NCAPD3: variants seen among roughly 807,000 people sequenced by gnomAD.
NCAPD3 encodes condensin-2 complex subunit D3.
In NCAPD3, 105 loss-of-function variants were observed where a neutral mutation model predicts 182.9. The observed-to-expected ratio is 0.57, with a 90% confidence interval of 0.49 to 0.68. The LOEUF is 0.68. NCAPD3 is among the 30% of genes least tolerant of loss of function. The pLI, the probability that NCAPD3 is intolerant of heterozygous loss-of-function variation, is 0.00. For synonymous variants in NCAPD3, 815 were observed against 679.9 expected, an observed-to-expected ratio of 1.20 and a Z score of -3.09; for missense variants, 1,944 against 1,837.0, an observed-to-expected ratio of 1.06 and a Z score of -1.07.
intron 24 of NCAPD3, among the ~76,000 whole-genome samples, chr11:134,170,209 T>G (rs1943974311): frequency 6.6e-6 from 1 of 152,238 alleles, no homozygotes; most frequent in Non-Finnish European, 1.5e-5. Context: ...CGGGAGCAGC[T>G]TGACCTAGAA....
intron 20 of NCAPD3, among the ~76,000 whole-genome samples, chr11:134,179,708 A>G (rs1944252956): frequency 6.6e-6 from 1 of 152,276 alleles, no homozygotes; most frequent in South Asian, 2.1e-4. Context: ...TCAAAAACCT[A>G]CTCACAGCTG....
rs1944190961 is a variant in NCAPD3 at position 134,177,248 on chromosome 11, T to A, written c.2992A>T (p.Thr998Ser). Residue 998 changes from threonine (T) to serine (S), a missense_variant, in exon 23 of 35, where the codon ACA becomes TCA. Coordinates refer to ENST00000534548, the MANE Select transcript of NCAPD3 (RefSeq NM_015261.3). ...AAGAGATTGGTAAGCAAGATGAGTG[T>A]CTGCTTCCGGATGAATGGGTCGGAA... Reference protein sequence around the residue: ...KDSDPFIRKQTLILLTNLLQE... With the variant: ...KDSDPFIRKQSLILLTNLLQE... 2 of 1,614,098 alleles carry A rather than the reference T, an allele frequency of 1.2e-6. No homozygotes were observed. Among genetic ancestry groups the A allele is most frequent in the Admixed American group, 1.7e-5 (1 of 60,012 alleles).
Position 134,185,353 on chromosome 11 carries a change from G to C in NCAPD3, c.2219C>G (p.Ser740Cys), listed in dbSNP as rs1426136820. ...TACAAACCTGCTGATTTTCTCCCAAGATTGTATTATTCTGCTGTAGTCCAG... is the reference window on the plus strand; with the variant it reads ...TACAAACCTGCTGATTTTCTCCCAACATTGTATTATTCTGCTGTAGTCCAG... The part of the protein sequence containing the change: ...PRLDYSRIIQ[S>C]WEKISSQQNP... Residue 740 changes from serine to cysteine, a missense_variant, in exon 17 of 35, where the codon TCT becomes TGT. Ser to Cys is a moderately radical substitution (Grantham distance 112, BLOSUM62 -1). Transcript: ENST00000534548. 1 of 1,606,490 alleles carries C rather than the reference G, an allele frequency of 6.2e-7. No individual in the cohort carries two copies. Among genetic ancestry groups the C allele is most frequent in the South Asian group, 1.1e-5 (1 of 88,996 alleles).
chr11:134,195,499 T>G (rs1000849531), intron 13 of NCAPD3, among the ~76,000 whole-genome samples: 1 of 152,220 alleles, frequency 6.6e-6, no homozygotes, highest in Non-Finnish European at 1.5e-5. Context: ...TGTAAAAATA[T>G]TTATTAATTC....
intron 16 of NCAPD3, among the ~76,000 whole-genome samples, chr11:134,191,727 T>C (rs770096302): frequency 8.5e-5 from 13 of 152,144 alleles, no homozygotes; most frequent in African/African-American, 2.2e-4. Context: ...CAGGAAAGCA[T>C]AGGGTGGGTA....
chr11:134,168,938 T>C lies in NCAPD3; in HGVS notation c.3218A>G (p.Asn1073Ser). 1.2e-6 allele frequency: 2 copies of C among 1,613,854 alleles called. No individual in the cohort carries two copies. Among genetic ancestry groups the C allele is most frequent in the Non-Finnish European group, 1.7e-6 (2 of 1,179,854 alleles). The part of the protein sequence containing the change: ...FNNYEKHEKY[N>S]KFPQSEREKR... ...TGACCTCTCTGACTGGGGGAACTTG[T>C]TGTACTTCTCATGCTTCTCATAGTT... Residue 1073 changes from asparagine to serine, a missense_variant, in exon 25 of 35, where the codon AAC (asparagine) becomes AGC (serine). By Grantham distance (46) the Asn-to-Ser change is conservative (BLOSUM62 1). Transcript: ENST00000534548.
At chr11:134,163,891 A>AAAAC (rs386375333) in intron 27 of NCAPD3, among the ~76,000 whole-genome samples, 2 of 149,466 alleles carry the variant, frequency 1.3e-5, no homozygotes, top group South Asian at 2.1e-4. Context: ...AAAAAAAAAA[A>AAAAC]AGAAAAAGAA....
rs143188183 is a variant in NCAPD3 at position 134,169,012 on chromosome 11, G to T, written c.3144C>A (p.Asn1048Lys). The T allele has an allele frequency of 3.7e-6, 6 of 1,614,036 alleles. No individual in the cohort carries two copies. The highest frequency in any genetic ancestry group is 5.1e-6 in the Non-Finnish European group (6 of 1,179,958). The change falls in exon 25 of 35, where the codon AAC (asparagine) becomes AAA (lysine). Residue 1048 changes from asparagine to lysine, a missense_variant. Physicochemically the swap from Asn to Lys is moderately conservative, Grantham distance 94. This residue lies in a region of NCAPD3 where 1,803 missense variants were observed against 1,674.6 expected (regional missense o/e 1.08). Transcript: ENST00000534548. ...TGAAGTGTTGGAAGAACATGACAGGGTTCCTCTTCAGTAACAGGTGAGCCA... is the reference window on the plus strand; with the variant it reads ...TGAAGTGTTGGAAGAACATGACAGGTTTCCTCTTCAGTAACAGGTGAGCCA... Reference protein sequence around the residue: ...FCLAHLLLKRNPVMFFQHFIE... With the variant: ...FCLAHLLLKRKPVMFFQHFIE...
At chr11:134,221,265 T>A (rs1938215571) in intron 1 of NCAPD3, among the ~76,000 whole-genome samples, 1 of 152,198 alleles carries the variant, frequency 6.6e-6, no homozygotes, top group South Asian at 2.1e-4. Flanking sequence ...ACACACTGAT[T>A]GAAAGAATGT....
upstream of NCAPD3, chr11:134,225,412 G>T (rs1183281474): frequency 1.3e-6 from 2 of 1,507,902 alleles, no homozygotes; most frequent in South Asian, 2.3e-5. Context: ...GTGATTCAGG[G>T]CCCAGCTCCT....
chr11:134,176,907 AAAG>A (rs1466853305), intron 23 of NCAPD3, among the ~76,000 whole-genome samples: 2 of 152,242 alleles, frequency 1.3e-5, no homozygotes, highest in East Asian at 1.9e-4. Context: ...CCAAGTTAAA[AAAG>A]AATAACAGAA....
intron 3 of NCAPD3, among the ~76,000 whole-genome samples, chr11:134,214,779 C>G (rs1937956871): frequency 6.6e-6 from 1 of 152,138 alleles, no homozygotes; most frequent in African/African-American, 2.4e-5. Flanking sequence ...GATGACTTCA[C>G]TAGTGGGTTC....
intron 24 of NCAPD3, among the ~76,000 whole-genome samples, chr11:134,174,682 A>G (rs1313635338): frequency 1.3e-5 from 2 of 152,160 alleles, no homozygotes; most frequent in Admixed American, 1.3e-4. Flanking sequence ...TAGGTTGAAT[A>G]TAATAACAAC....
At chr11:134,165,153 G>A (rs1225194301) in intron 27 of NCAPD3, among the ~76,000 whole-genome samples, 1 of 150,996 alleles carries the variant, frequency 6.6e-6, no homozygotes, top group African/African-American at 2.4e-5. Flanking sequence ...ACACTCACTT[G>A]TGAGATGAGC....
Position 134,157,915 on chromosome 11 carries a change from AC to A in NCAPD3, c.4174+12del, listed in dbSNP as rs777977172. ...AATGCTCTACTGTGTCTGGCACCAA[AC>A]ATAAGGCTTACCCTGACTGCACGTT... is the stretch of plus-strand genomic sequence containing the variant. On this transcript the variant is annotated intron_variant, in intron 31 of 34. Coordinates refer to ENST00000534548, the MANE Select transcript of NCAPD3 (RefSeq NM_015261.3). 6.2e-7 allele frequency: 1 copy of A among 1,610,170 alleles called. No homozygotes were observed. Among genetic ancestry groups the A allele is most frequent in the Non-Finnish European group, 8.5e-7 (1 of 1,177,672 alleles).
At chr11:134,176,241 AG>A in intron 24 of NCAPD3, 65 bp downstream of exon 24, 1 of 1,442,760 alleles carries the variant, frequency 6.9e-7, no homozygotes, top group East Asian at 2.3e-5. Context: ...TGAAAAAAAA[AG>A]AAATCCAGCA....
chr11:134,161,754 C>A (rs1180162240), intron 28 of NCAPD3, 27 bp downstream of exon 28: 2 of 1,356,782 alleles, frequency 1.5e-6, no homozygotes, highest in African/African-American at 1.4e-5. Context: ...AGGACAACAA[C>A]CACAAAAGCA....
chr11:134,167,497 C>T (rs1591829414), intron 27 of NCAPD3, among the ~76,000 whole-genome samples: 1 of 141,296 alleles, frequency 7.1e-6, no homozygotes, highest in Non-Finnish European at 1.5e-5. Flanking sequence ...GGGGGAGGCG[C>T]ACACTCGTGA....
chr11:134,216,984 A>G lies in NCAPD3; in HGVS notation c.334T>C (p.Tyr112His). The G allele has an allele frequency of 6.2e-7, 1 of 1,613,832 alleles. No homozygotes were observed. Among genetic ancestry groups the G allele is most frequent in the Non-Finnish European group, 8.5e-7 (1 of 1,179,932 alleles). The change falls in exon 3 of 35, where the codon TAT (tyrosine) becomes CAT (histidine). Residue 112 changes from tyrosine to histidine, a missense_variant. By Grantham distance (83) the Tyr-to-His change is moderately conservative. Coordinates refer to ENST00000534548, the MANE Select transcript of NCAPD3 (RefSeq NM_015261.3). ...TAAAGCCCAGCGGCATGAAGGCCAT[A>G]TTCTCGATACTGTACACTGACATTC... ...KKNVSVQYRE[Y>H]GLHAAGLYFL...
Sources: allele counts gnomAD v4.1 joint callset (sites outside exome capture counted in the v4.1 genomes callset), GRCh38; gene constraint gnomAD v4.1.1; regional missense constraint gnomAD v4.1.1; transcripts MANE v1.5; gene names NCBI Gene and HGNC (gene_info 2026-07-23, HGNC 2026-07-21).